The following USP8 variants were observed in gnomAD, a reference collection of about 807,000 sequenced individuals.
USP8 encodes ubiquitin carboxyl-terminal hydrolase 8.
A neutral mutation model predicts 130.0 loss-of-function variants in USP8; 27 were observed. The observed-to-expected ratio is 0.21, with a 90% CI of 0.15 to 0.29. The LOEUF is 0.29. USP8 is among the 10% of genes least tolerant of loss of function. The pLI, the probability that USP8 is intolerant of heterozygous loss-of-function variation, is 1.00. For synonymous variants in USP8, 392 were observed against 444.1 expected, an observed-to-expected ratio of 0.88 and a Z score of 1.48; for missense variants, 1,029 against 1,312.2, an observed-to-expected ratio of 0.78 and a Z score of 3.33.
intron 16 of USP8, among the ~76,000 whole-genome samples, chr15:50,495,495 T>C (rs1239580369): frequency 5.0e-5 from 7 of 139,152 alleles, no homozygotes; most frequent in East Asian, 2.3e-4. Context: ...GAGGGGGGGG[T>C]CTCACTATGT....
At chr15:50,430,971 A>T (rs1293832793) in intron 1 of USP8, among the ~76,000 whole-genome samples, 1 of 152,214 alleles carries the variant, frequency 6.6e-6, no homozygotes, top group Non-Finnish European at 1.5e-5. Flanking sequence ...GAGGTTAGGG[A>T]TGCTGCTAAA....
rs908313026 is a variant in USP8 at position 50,513,481 on chromosome 15, C to T, written c.*14393C>T. On this transcript the variant is annotated 3_prime_UTR_variant, in exon 20 of 20. Transcript: ENST00000307179. ...TTGGGAGGATGAGGGAGGTGGATCA[C>T]CTGAGGTCATGAGTTCGAGACAAGA... is the stretch of plus-strand genomic sequence containing the variant. 35 of 144,724 alleles carry T rather than the reference C, an allele frequency of 2.4e-4. No individual in the cohort carries two copies. The highest frequency in any genetic ancestry group is 8.7e-4 in the African/African-American group (34 of 38,920). 9.0% of individuals were successfully genotyped at this position (144,724 alleles called of 1,614,324 possible).
Position 50,482,217 on chromosome 15 carries a change from A to G in USP8, c.1803+152A>G, listed in dbSNP as rs2051800690. The G allele has an allele frequency of 9.0e-6, 6 of 667,410 alleles. No individual in the cohort carries two copies. The East Asian group carries it at 1.0e-4, about 11-fold the overall frequency. The allele number at this position is 667,410 out of a possible 1,614,324, so 41.3% of individuals were successfully genotyped here. On this transcript the variant is annotated intron_variant, in intron 11 of 19. Coordinates refer to ENST00000307179, the MANE Select transcript of USP8 (RefSeq NM_005154.5). ...CTGATCTATCCACATTTGCTCATCT[A>G]TTCTCCTTTGAGGCCAGTGCCATAC...
At chr15:50,460,955 G>C (rs1462415447) in intron 5 of USP8, among the ~76,000 whole-genome samples, 1 of 151,512 alleles carries the variant, frequency 6.6e-6, no homozygotes, top group Non-Finnish European at 1.5e-5. Flanking sequence ...CCAGGAATTT[G>C]AGACCAGCCT....
At chr15:50,439,811 T>C (rs2050194455) in intron 2 of USP8, among the ~76,000 whole-genome samples, 1 of 139,250 alleles carries the variant, frequency 7.2e-6, no homozygotes, top group South Asian at 2.2e-4. Flanking sequence ...ATAATAATAA[T>C]AATAATAATA....
intron 4 of USP8, among the ~76,000 whole-genome samples, chr15:50,451,860 A>G (rs957635714): frequency 1.3e-5 from 2 of 152,252 alleles, no homozygotes; most frequent in African/African-American, 4.8e-5. Context: ...GAGGGAGGGT[A>G]TATGCTCTCT....
chr15:50,500,663 T>G lies in USP8; in HGVS notation c.*1575T>G. The G allele has an allele frequency of 9.0e-7, 1 of 1,105,944 alleles. No homozygotes were observed. The highest frequency in any genetic ancestry group is 1.3e-6 in the Non-Finnish European group (1 of 751,036). The allele number at this position is 1,105,944 out of a possible 1,614,324, so 68.5% of individuals were successfully genotyped here. ...CACCATTTTCCTGGCTCTTAACGCT[T>G]TTGTATTGGTATGGAAAAGGGCTGG... On this transcript the variant is annotated 3_prime_UTR_variant, in exon 20 of 20. Coordinates refer to ENST00000307179, the MANE Select transcript of USP8 (RefSeq NM_005154.5).
At chr15:50,449,111 G>A (rs1271658914) in intron 3 of USP8, among the ~76,000 whole-genome samples, 2 of 152,102 alleles carry the variant, frequency 1.3e-5, no homozygotes, top group Non-Finnish European at 2.9e-5. Context: ...GCTCTTTGGC[G>A]CTTACTCAAA....
chr15:50,484,139 A>T (rs1357695226), intron 11 of USP8, 136 bp from the exon 12 acceptor site: 3 of 576,170 alleles, frequency 5.2e-6, no homozygotes, highest in African/African-American at 3.9e-5. Context: ...AGTAAAATAT[A>T]ATAAAATTTT....
intron 2 of USP8, 46 bp from the exon 3 acceptor site, chr15:50,441,303 C>T (rs780145237): frequency 6.6e-7 from 1 of 1,522,954 alleles, no homozygotes; most frequent in African/African-American, 1.4e-5. Flanking sequence ...TGTATTTTTT[C>T]CCAGATGTCA....
chr15:50,474,234 G>A (rs1041277135), intron 8 of USP8, among the ~76,000 whole-genome samples: 3 of 151,956 alleles, frequency 2.0e-5, no homozygotes, highest in African/African-American at 7.3e-5. Context: ...AAACTCCTGG[G>A]CTCAAACAAA....
intron 12 of USP8, among the ~76,000 whole-genome samples, chr15:50,487,701 T>G (rs1213659025): frequency 6.6e-6 from 1 of 152,216 alleles, no homozygotes; most frequent in African/African-American, 2.4e-5. Context: ...TATGATCCAC[T>G]CTACACTCAT....
In USP8 at chr15:50,508,377, A is replaced by T. The variant is rs1039226281; in HGVS notation, c.*9289A>T. 2 of 152,196 alleles carry T rather than the reference A, an allele frequency of 1.3e-5. No individual in the cohort carries two copies. The highest frequency in any genetic ancestry group is 4.8e-5 in the African/African-American group (2 of 41,456). The allele number at this position is 152,196 out of a possible 1,614,324, so 9.4% of individuals were successfully genotyped here. A position where few individuals can be genotyped will look rare whatever the true frequency, so the allele number is the denominator to read the frequency against. Reference sequence around the variant, plus strand: ...AATTGATCATTTATTTTATATTCAAATATCTTGCTTCAGCAAGCTAGTTGA... The same window carrying T: ...AATTGATCATTTATTTTATATTCAATTATCTTGCTTCAGCAAGCTAGTTGA... On this transcript the variant is annotated 3_prime_UTR_variant, in exon 20 of 20. Transcript: ENST00000307179.
chr15:50,428,264 A>G (rs1473178237), intron 1 of USP8, among the ~76,000 whole-genome samples: 1 of 151,986 alleles, frequency 6.6e-6, no homozygotes, highest in Non-Finnish European at 1.5e-5. Context: ...TCACAGGCAT[A>G]TGCCGCCACG....
At chr15:50,485,931 T>C (rs1055875014) in intron 12 of USP8, among the ~76,000 whole-genome samples, 3 of 152,188 alleles carry the variant, frequency 2.0e-5, no homozygotes, top group Admixed American at 6.5e-5. Flanking sequence ...GTAGATGTTA[T>C]CCTGTATTGT....
In USP8 at chr15:50,472,725, A is replaced by G. The variant is rs564679553; in HGVS notation, c.849+930A>G. On this transcript the variant is annotated intron_variant, in intron 8 of 19. Transcript: ENST00000307179. ...CAGGAGTTCAAGACCAGCTTGACCA[A>G]CATGCAGAAACCTCGTCTCTGCTAA... Among the ~76,000 whole-genome samples, 434 of 152,300 alleles carry G rather than the reference A, an allele frequency of 2.8e-3. 1 individual carries two copies. The highest frequency in any genetic ancestry group is 4.9e-3 in the Non-Finnish European group (331 of 68,028).
intron 3 of USP8, among the ~76,000 whole-genome samples, chr15:50,446,175 C>T (rs1339730780): frequency 6.6e-6 from 1 of 152,160 alleles, no homozygotes; most frequent in Non-Finnish European, 1.5e-5. Context: ...TGGTAAACCT[C>T]AGAAGCAAAC....
Position 50,497,236 on chromosome 15 carries a change from A to C in USP8, c.3038+5A>C. ...GCTTTTAGTGCATCTGAAACGGTAAAGGGGAAAGTTTGTCCTCCTGTTCAG... is the reference window on the plus strand; with the variant it reads ...GCTTTTAGTGCATCTGAAACGGTAACGGGGAAAGTTTGTCCTCCTGTTCAG... On this transcript the variant is annotated splice_donor_5th_base_variant and intron_variant, in intron 18 of 19. Coordinates refer to ENST00000307179, the MANE Select transcript of USP8 (RefSeq NM_005154.5). 6.3e-7 allele frequency: 1 copy of C among 1,596,144 alleles called. No homozygotes were observed. The highest frequency in any genetic ancestry group is 8.5e-7 in the Non-Finnish European group (1 of 1,174,898).
chr15:50,498,271 G>A, intron 18 of USP8: 1 of 194,108 alleles, frequency 5.2e-6, no homozygotes. Flanking sequence ...TTTCTTTTGT[G>A]GTGGTCAGCA....
Sources: gnomAD v4.1 joint callset for allele counts (sites outside exome capture counted in the v4.1 genomes callset) on GRCh38, gnomAD v4.1.1 for gene constraint, MANE v1.5 for transcripts, NCBI Gene and HGNC (gene_info 2026-07-23, HGNC 2026-07-21) for gene names.